DENND6A: variants seen among roughly 807,000 people sequenced by gnomAD.
The protein encoded by DENND6A is protein DENND6A.
Under a neutral mutation model 95.5 loss-of-function variants are expected in DENND6A, and 43 were observed. That is an observed-to-expected ratio of 0.45 (90% CI 0.35 to 0.58). The LOEUF (loss-of-function observed/expected upper bound fraction) is 0.58. Among genes scored for constraint, DENND6A ranks in the 20% least tolerant of loss-of-function variants. DENND6A has a pLI of 0.00. For missense variants in DENND6A, 574 were observed against 736.0 expected (o/e 0.78, Z 2.55); for synonymous variants, 257 against 260.4 (o/e 0.99, Z 0.13).
At chr3:57,682,946 G>A (rs1242152048) in intron 1 of DENND6A, among the ~76,000 whole-genome samples, 1 of 152,142 alleles carries the variant, frequency 6.6e-6, no homozygotes, top group African/African-American at 2.4e-5. Context: ...CCAAAGTGCT[G>A]GGACTACAGG....
Position 57,630,828 on chromosome 3 carries a change from G to A in DENND6A, c.1408-4C>T. 3 of 1,612,472 alleles carry A rather than the reference G, an allele frequency of 1.9e-6. No homozygotes were observed. The highest frequency in any genetic ancestry group is 2.5e-6 in the Non-Finnish European group (3 of 1,179,472). ...ACTGTCTTAATTGAGGTGGACTCTA[G>A]AAAACAGGACATATAATATTTAGAA... is the stretch of plus-strand genomic sequence containing the variant. On this transcript the variant is annotated splice_region_variant and splice_polypyrimidine_tract_variant and intron_variant, in intron 16 of 19. Transcript: ENST00000311128.
chr3:57,692,840 G>C lies in DENND6A; in HGVS notation c.179C>G (p.Ala60Gly). Residue 60 changes from alanine to glycine, a missense_variant, in exon 1 of 20, where the codon GCC becomes GGC. Transcript: ENST00000311128. ...CACCACACACACGCAGTGCAGCCAGGCGGAGAAGCTGTCCCAGCGCAGCAG... is the reference window on the plus strand; with the variant it reads ...CACCACACACACGCAGTGCAGCCAGCCGGAGAAGCTGTCCCAGCGCAGCAG... ...RGLLRWDSFS[A>G]WLHCVCVVGF... 6.3e-7 allele frequency: 1 copy of C among 1,584,308 alleles called. No homozygotes were observed.
chr3:57,690,680 T>C (rs771927515), intron 1 of DENND6A, among the ~76,000 whole-genome samples: 4 of 126,680 alleles, frequency 3.2e-5, no homozygotes, highest in African/African-American at 5.2e-5. Context: ...TTAGACTCTG[T>C]CTTTAAAAAA....
intron 3 of DENND6A, among the ~76,000 whole-genome samples, chr3:57,670,273 G>A (rs1279385090): frequency 2.0e-5 from 3 of 152,054 alleles, no homozygotes; most frequent in South Asian, 2.1e-4. Context: ...GATTTAGTTC[G>A]AATGCATACA....
intron 12 of DENND6A, among the ~76,000 whole-genome samples, chr3:57,640,817 C>T (rs1357566635): frequency 1.3e-5 from 2 of 152,074 alleles, no homozygotes; most frequent in African/African-American, 4.8e-5. Flanking sequence ...CTCATATCTT[C>T]TCATACGCAA....
intron 1 of DENND6A, among the ~76,000 whole-genome samples, chr3:57,672,784 A>T (rs779511079): frequency 1.5e-4 from 23 of 151,994 alleles, no homozygotes; most frequent in Non-Finnish European, 2.8e-4. Context: ...CCCCGTCTCA[A>T]ATCAAACAAA....
At chr3:57,674,330 G>A (rs1478944517) in intron 1 of DENND6A, among the ~76,000 whole-genome samples, 4 of 151,534 alleles carry the variant, frequency 2.6e-5, no homozygotes, top group African/African-American at 9.7e-5. Flanking sequence ...CCAAGATCGC[G>A]CCACTGCACT....
At chr3:57,668,093 A>G (rs1270901511) in intron 3 of DENND6A, among the ~76,000 whole-genome samples, 1 of 151,894 alleles carries the variant, frequency 6.6e-6, no homozygotes, top group Non-Finnish European at 1.5e-5. Flanking sequence ...TTTATTTTAC[A>G]TTTCTTTTTT....
intron 11 of DENND6A, among the ~76,000 whole-genome samples, chr3:57,643,073 G>C (rs2070985855): frequency 6.6e-6 from 1 of 151,986 alleles, no homozygotes; most frequent in Non-Finnish European, 1.5e-5. Context: ...GGAGAGAAGG[G>C]GTTGAGGGAA....
intron 19 of DENND6A, among the ~76,000 whole-genome samples, 195 bp downstream of exon 19, chr3:57,628,616 T>C (rs1291101953): frequency 6.6e-6 from 1 of 152,228 alleles, no homozygotes; most frequent in Non-Finnish European, 1.5e-5. Flanking sequence ...TACATAACGT[T>C]AGAATAATAT....
At chr3:57,636,473 G>C (rs1195054717) in intron 12 of DENND6A, among the ~76,000 whole-genome samples, 1 of 152,150 alleles carries the variant, frequency 6.6e-6, no homozygotes, top group African/African-American at 2.4e-5. Flanking sequence ...ATGAGCCACA[G>C]TCTAACAGCA....
At chr3:57,687,717 G>A (rs139479778) in intron 1 of DENND6A, among the ~76,000 whole-genome samples, 219 of 152,174 alleles carry the variant, frequency 1.4e-3, no homozygotes, top group African/African-American at 5.1e-3. Flanking sequence ...AGGATCCCTT[G>A]AAGCCAGGAA....
chr3:57,661,704 T>A (rs2071426807), intron 5 of DENND6A, among the ~76,000 whole-genome samples, 153 bp from the exon 6 acceptor site: 1 of 152,182 alleles, frequency 6.6e-6, no homozygotes, highest in Admixed American at 6.5e-5. Context: ...AAACCATAGC[T>A]GCAGAACACA....
chr3:57,654,761 A>G (rs2071290560), intron 9 of DENND6A: 1 of 985,300 alleles, frequency 1.0e-6, no homozygotes, highest in Admixed American at 6.1e-5. Context: ...ACTCAACTGT[A>G]TCTCTGCTAC....
rs1415603253 is a variant in DENND6A, at chr3:57,627,218, A to G, written c.*996T>C. On this transcript the variant is annotated 3_prime_UTR_variant, in exon 20 of 20. Transcript: ENST00000311128. ...GAGTCCAGGGGTGTAATCTCAGCTC[A>G]CTGCAACCTCCGCCTCCCAGGTTCA... The G allele has an allele frequency of 2.6e-5, 4 of 152,210 alleles. No homozygotes were observed. The highest frequency in any genetic ancestry group is 9.7e-5 in the African/African-American group (4 of 41,432). 9.4% of individuals were successfully genotyped at this position (152,210 alleles called of 1,614,324 possible).
intron 9 of DENND6A, chr3:57,654,736 G>A (rs774114333): frequency 2.0e-6 from 2 of 985,202 alleles, no homozygotes; most frequent in African/African-American, 1.7e-5. Flanking sequence ...TTGACCTAGT[G>A]AAAGGAGCGC....
intron 14 of DENND6A, among the ~76,000 whole-genome samples, chr3:57,633,943 T>A (rs1286727402): frequency 6.6e-6 from 1 of 152,022 alleles, no homozygotes; most frequent in African/African-American, 2.4e-5. Flanking sequence ...TTATATTTGC[T>A]ATACTATACT....
chr3:57,645,593 C>G, intron 11 of DENND6A, 68 bp downstream of exon 11: 1 of 1,209,002 alleles, frequency 8.3e-7, no homozygotes, highest in African/African-American at 1.5e-5. Flanking sequence ...CTTTTATTAC[C>G]AAAAATAATT....
Position 57,628,011 on chromosome 3 carries a change from G to A in DENND6A, c.*203C>T, listed in dbSNP as rs967299910. The A allele has an allele frequency of 1.7e-6, 1 of 603,324 alleles. No homozygotes were observed. The highest frequency in any genetic ancestry group is 3.3e-5 in the East Asian group (1 of 30,712). The allele number at this position is 603,324 out of a possible 1,614,324, so 37.4% of individuals were successfully genotyped here. On this transcript the variant is annotated 3_prime_UTR_variant, in exon 20 of 20. Transcript: ENST00000311128. ...TGCCTTTCGGTGTTTCAGTATTAAA[G>A]TGGAACCACCACAGATATCCACTTT... is the stretch of plus-strand genomic sequence containing the variant.
Sources: allele counts gnomAD v4.1 joint callset (sites outside exome capture counted in the v4.1 genomes callset), GRCh38; gene constraint gnomAD v4.1.1; transcripts MANE v1.5; gene names NCBI Gene and HGNC (gene_info 2026-07-23, HGNC 2026-07-21).